The following PIP5K1B variants were observed in gnomAD, a reference collection of about 807,000 sequenced individuals.
PIP5K1B encodes the protein phosphatidylinositol-4-phosphate 5-kinase type 1 beta, also known as phosphatidylinositol 4-phosphate 5-kinase type-1 beta.
In PIP5K1B, 42 loss-of-function variants were observed where a neutral mutation model predicts 67.0. The observed-to-expected ratio is 0.63, with a 90% confidence interval of 0.49 to 0.81. The LOEUF is 0.81. Among genes scored for constraint, PIP5K1B ranks in the 30% least tolerant of loss-of-function variants. PIP5K1B has a pLI of 0.00. For synonymous variants in PIP5K1B, 214 were observed against 231.4 expected (o/e 0.92, Z 0.68); for missense variants, 459 against 646.3 (o/e 0.71, Z 3.14).
intron 8 of PIP5K1B, among the ~76,000 whole-genome samples, chr9:68,908,377 A>C (rs1825712596): frequency 6.6e-6 from 1 of 151,918 alleles, no homozygotes; most frequent in South Asian, 2.1e-4. Context: ...ATACACACAC[A>C]TTATATATAT....
intron 13 of PIP5K1B, 129 bp downstream of exon 13, chr9:68,935,174 A>G: frequency 1.2e-6 from 1 of 817,558 alleles, no homozygotes. Flanking sequence ...TTTTTAAAGG[A>G]TAGCTGCAGT....
At position 68,723,712 on chromosome 9, in the gene PIP5K1B, T is replaced by TTTTA. The variant is rs1485263921; in HGVS notation, c.-243+17953_-243+17954insATTT. Among the ~76,000 whole-genome samples, 923 of 148,976 alleles carry TTTTA rather than the reference T, an allele frequency of 6.2e-3. 8 individuals are homozygous for TTTTA. Among genetic ancestry groups the TTTTA allele is most frequent in the Middle Eastern group, 0.01 (3 of 288 alleles). On this transcript the variant is annotated intron_variant, in intron 1 of 15. Transcript: ENST00000265382. ...AGTATTTGGTTTTTTTTTTTTTTTT[T>TTTTA]TTTTTGCTATTGAGTTGTTTGAGTT...
At chr9:68,722,388 A>G (rs1383636715) in intron 1 of PIP5K1B, among the ~76,000 whole-genome samples, 1 of 151,858 alleles carries the variant, frequency 6.6e-6, no homozygotes, top group East Asian at 1.9e-4. Flanking sequence ...TATTTTTAGT[A>G]GAGTCGGGGT....
At chr9:68,946,626 C>G (rs933988138) in intron 14 of PIP5K1B, among the ~76,000 whole-genome samples, 1 of 151,824 alleles carries the variant, frequency 6.6e-6, no homozygotes, top group African/African-American at 2.4e-5. Flanking sequence ...GATCTCCTGA[C>G]CTCTTGGTCT....
At chr9:68,780,031 G>T in intron 2 of PIP5K1B, 1 of 1,241,712 alleles carries the variant, frequency 8.1e-7, no homozygotes, top group Non-Finnish European at 1.1e-6. Context: ...CTGCGCGAAG[G>T]GCTACGCATG....
chr9:68,947,085 A>G (rs1471321118), intron 14 of PIP5K1B, among the ~76,000 whole-genome samples: 3 of 152,252 alleles, frequency 2.0e-5, no homozygotes, highest in Non-Finnish European at 4.4e-5. Context: ...AAAGGGCATG[A>G]TGTTTTTGAC....
At chr9:68,918,792 C>T (rs1039753515) in intron 9 of PIP5K1B, among the ~76,000 whole-genome samples, 1 of 152,084 alleles carries the variant, frequency 6.6e-6, no homozygotes, top group Non-Finnish European at 1.5e-5. Context: ...TCTTGCAAAT[C>T]GATCTAACTG....
chr9:68,830,548 G>A (rs546703040), intron 4 of PIP5K1B, among the ~76,000 whole-genome samples: 338 of 152,280 alleles, frequency 2.2e-3, no homozygotes, highest in Non-Finnish European at 4.3e-3. Flanking sequence ...CAGGTTTGTT[G>A]TACTTCTGCC....
chr9:68,849,449 C>T (rs1414883700), intron 4 of PIP5K1B, among the ~76,000 whole-genome samples: 1 of 152,168 alleles, frequency 6.6e-6, no homozygotes, highest in Non-Finnish European at 1.5e-5. Context: ...GGTACGATCT[C>T]AGCTCACTGC....
chr9:68,881,083 C>G (rs887339021), intron 6 of PIP5K1B, among the ~76,000 whole-genome samples: 1 of 152,208 alleles, frequency 6.6e-6, no homozygotes. Flanking sequence ...AAGGGAGATG[C>G]CCAAGGTTAC....
At chr9:68,790,023 A>G (rs1053447136) in intron 2 of PIP5K1B, among the ~76,000 whole-genome samples, 2 of 152,184 alleles carry the variant, frequency 1.3e-5, no homozygotes, top group African/African-American at 4.8e-5. Context: ...GGTTGTTCCT[A>G]GATTGTCATT....
intron 7 of PIP5K1B, among the ~76,000 whole-genome samples, chr9:68,893,781 G>A (rs1352108232): frequency 1.3e-5 from 2 of 152,154 alleles, no homozygotes; most frequent in Non-Finnish European, 2.9e-5. Flanking sequence ...TCTTTAAGGT[G>A]ACTAAAAATA....
chr9:68,755,228 G>C (rs1389741603), intron 2 of PIP5K1B, among the ~76,000 whole-genome samples: 1 of 152,170 alleles, frequency 6.6e-6, no homozygotes, highest in Non-Finnish European at 1.5e-5. Flanking sequence ...TTTTCCTTTT[G>C]TTGTTTGCTG....
At chr9:68,866,295 CAAA>C (rs538842640) in intron 5 of PIP5K1B, among the ~76,000 whole-genome samples, 6 of 84,644 alleles carry the variant, frequency 7.1e-5, no homozygotes, top group African/African-American at 9.1e-5. Context: ...TACTCTGTCT[CAAA>C]AAAAAAAAAA....
At position 68,855,822 on chromosome 9, in the gene PIP5K1B, A is replaced by T. The variant is rs148314674; in HGVS notation, c.70-8015A>T. 3.0e-4 allele frequency among the ~76,000 whole-genome samples: 45 copies of T among 152,290 alleles called. No individual in the cohort carries two copies. In the East Asian group the frequency reaches 8.3e-3, roughly 28 times the overall value. ...AAATGATACAGTTTGTGGGTAGGCA[A>T]ACCTCCTCCTCTCTGAGAGGAAGTG... is the stretch of plus-strand genomic sequence containing the variant. On this transcript the variant is annotated intron_variant, in intron 4 of 15. Coordinates refer to ENST00000265382, the MANE Select transcript of PIP5K1B (RefSeq NM_003558.4).
intron 2 of PIP5K1B, among the ~76,000 whole-genome samples, chr9:68,759,411 A>G (rs755292354): frequency 6.6e-6 from 1 of 152,136 alleles, no homozygotes; most frequent in Non-Finnish European, 1.5e-5. Flanking sequence ...CAGCATGTGT[A>G]TTGTGATCTC....
At chr9:68,801,645 T>C (rs1400000795) in intron 2 of PIP5K1B, among the ~76,000 whole-genome samples, 1 of 152,210 alleles carries the variant, frequency 6.6e-6, no homozygotes, top group Non-Finnish European at 1.5e-5. Context: ...GTACATTTGG[T>C]CAGGCTGGAC....
chr9:68,769,645 T>C (rs768633483), intron 2 of PIP5K1B, among the ~76,000 whole-genome samples: 2 of 152,226 alleles, frequency 1.3e-5, no homozygotes, highest in Non-Finnish European at 2.9e-5. Flanking sequence ...ATTTTGCCCT[T>C]AGTTCTATGC....
At chr9:68,778,050 G>A (rs1831008483) in intron 2 of PIP5K1B, among the ~76,000 whole-genome samples, 1 of 152,054 alleles carries the variant, frequency 6.6e-6, no homozygotes, top group Admixed American at 6.5e-5. Flanking sequence ...CCCAACTTTG[G>A]TTTTAGACCT....
Sources: gnomAD v4.1 joint callset for allele counts (sites outside exome capture counted in the v4.1 genomes callset) on GRCh38, gnomAD v4.1.1 for gene constraint, MANE v1.5 for transcripts, NCBI Gene and HGNC (gene_info 2026-07-23, HGNC 2026-07-21) for gene names.